Variants in ADGRB3 observed in about 807,000 individuals in gnomAD.
ADGRB3 encodes the protein adhesion G protein-coupled receptor B3.
A neutral mutation model predicts 193.4 loss-of-function variants in ADGRB3; 37 were observed. That is an observed-to-expected ratio of 0.19 (90% confidence interval 0.15 to 0.25). The LOEUF is 0.25. ADGRB3 is among the 10% of genes least tolerant of loss of function. ADGRB3 has a pLI of 1.00. For missense variants in ADGRB3, 1,637 were observed against 1,852.9 expected (o/e 0.88, Z 2.14); for synonymous variants, 690 against 644.2 (o/e 1.07, Z -1.08).
chr6:69,051,544 A>T (rs1370003402), intron 15 of ADGRB3, among the ~76,000 whole-genome samples: 1 of 152,184 alleles, frequency 6.6e-6, no homozygotes, highest in Non-Finnish European at 1.5e-5. Context: ...CTCAGGATGA[A>T]ATATTTGTTA....
intron 20 of ADGRB3, among the ~76,000 whole-genome samples, chr6:69,321,543 G>A (rs998146851): frequency 2.6e-5 from 4 of 151,660 alleles, no homozygotes; most frequent in Non-Finnish European, 4.4e-5. Flanking sequence ...TATGAACCTC[G>A]TCATGGAAAA....
At chr6:68,953,007 G>A (rs981257959) in intron 6 of ADGRB3, among the ~76,000 whole-genome samples, 2 of 152,042 alleles carry the variant, frequency 1.3e-5, no homozygotes, top group African/African-American at 4.8e-5. Context: ...TCTTATTTCA[G>A]TAAAAGCCTG....
chr6:69,307,273 G>T (rs531837285), intron 20 of ADGRB3, among the ~76,000 whole-genome samples: 1 of 151,518 alleles, frequency 6.6e-6, no homozygotes, highest in East Asian at 1.9e-4. Flanking sequence ...CATTGCAACC[G>T]ACTTAAAGAA....
intron 17 of ADGRB3, among the ~76,000 whole-genome samples, chr6:69,145,804 G>A (rs1025987038): frequency 6.6e-6 from 1 of 151,920 alleles, no homozygotes; most frequent in East Asian, 2.0e-4. Flanking sequence ...CCTGACATCT[G>A]CTTAGCTCTC....
At chr6:69,176,524 T>G (rs2150349718) in intron 17 of ADGRB3, among the ~76,000 whole-genome samples, 1 of 152,336 alleles carries the variant, frequency 6.6e-6, no homozygotes, top group African/African-American at 2.4e-5. Flanking sequence ...GATGTGCTTC[T>G]AATTCAGTTT....
In ADGRB3 at chr6:69,360,886, G is replaced by C. The variant is rs1769435868; in HGVS notation, c.3613G>C (p.Gly1205Arg). 1 of 1,606,906 alleles carries C rather than the reference G, an allele frequency of 6.2e-7. No homozygotes were observed. Among genetic ancestry groups the C allele is most frequent in the African/African-American group, 1.3e-5 (1 of 74,558 alleles). The stretch of plus-strand genomic sequence containing the variant: ...ACTCACAGTTCTTCATAAGGATATT[G>C]GTCCTTGCCGAGCAGCCACAATAAC... Reference protein sequence around the residue: ...ACRSVLHKDIGPCRAATITGT... With the variant: ...ACRSVLHKDIRPCRAATITGT... The change falls in exon 29 of 32, where the codon GGT becomes CGT. Residue 1205 changes from glycine to arginine, a missense_variant. Gly to Arg is a moderately radical substitution (Grantham distance 125). Coordinates refer to ENST00000370598, the MANE Select transcript of ADGRB3 (RefSeq NM_001704.3).
intron 17 of ADGRB3, among the ~76,000 whole-genome samples, chr6:69,137,351 G>T (rs778316496): frequency 2.6e-5 from 4 of 151,634 alleles, no homozygotes; most frequent in African/African-American, 7.3e-5. Flanking sequence ...GTAAACCTAT[G>T]AACTTAACAT....
chr6:68,915,460 T>C lies in ADGRB3; in HGVS notation c.758-15099T>C, dbSNP rs12526025. ...CAAGCCCAAAAGAAAGGGAAATGTA[T>C]AGGTGTTCATAAAATACAACAGGAA... is the stretch of plus-strand genomic sequence containing the variant. On this transcript the variant is annotated intron_variant, in intron 3 of 31. Transcript: ENST00000370598. 2.9e-3 allele frequency among the ~76,000 whole-genome samples: 439 copies of C among 152,272 alleles called. 4 individuals are homozygous for C. The highest frequency in any genetic ancestry group is 9.1e-3 in the African/African-American group (377 of 41,540).
chr6:68,638,685 G>A lies in ADGRB3; in HGVS notation c.10G>A (p.Val4Ile). 6.2e-7 allele frequency: 1 copy of A among 1,613,164 alleles called. No individual in the cohort carries two copies. The highest frequency in any genetic ancestry group is 1.3e-5 in the African/African-American group (1 of 74,982). The change falls in exon 3 of 32, where the codon GTT (valine) becomes ATT (isoleucine). Residue 4 changes from valine (V) to isoleucine (I), a missense_variant. Physicochemically the swap from Val to Ile is conservative, Grantham distance 29 (BLOSUM62 3). This residue lies in a region of ADGRB3 where 365 missense variants were observed against 409.8 expected (regional missense o/e 0.89). Transcript: ENST00000370598. MKAVRNLLIYIFST... is the reference protein window; with the variant it reads MKAIRNLLIYIFST... ...GGCCAAATGACATAGGATGAAGGCTGTTCGTAACCTGCTGATTTATATATT... is the reference window on the plus strand; with the variant it reads ...GGCCAAATGACATAGGATGAAGGCTATTCGTAACCTGCTGATTTATATATT...
chr6:68,724,882 A>G (rs1206728908), intron 3 of ADGRB3, among the ~76,000 whole-genome samples: 1 of 151,732 alleles, frequency 6.6e-6, no homozygotes, highest in Non-Finnish European at 1.5e-5. Flanking sequence ...ATATTGTTAC[A>G]AAGTTTATAA....
chr6:69,171,386 T>C (rs1031765417), intron 17 of ADGRB3, among the ~76,000 whole-genome samples: 1 of 152,218 alleles, frequency 6.6e-6, no homozygotes, highest in Non-Finnish European at 1.5e-5. Context: ...TTGAGAAACA[T>C]GTGCCACCAA....
At chr6:68,991,677 CG>C (rs1425128692) in intron 10 of ADGRB3, among the ~76,000 whole-genome samples, 4 of 151,774 alleles carry the variant, frequency 2.6e-5, no homozygotes, top group Non-Finnish European at 4.4e-5. Flanking sequence ...TGGCGGGGAA[CG>C]GGGAAGAACT....
chr6:69,333,158 A>G, intron 24 of ADGRB3, 150 bp downstream of exon 24: 1 of 893,214 alleles, frequency 1.1e-6, no homozygotes, highest in Non-Finnish European at 1.6e-6. Context: ...AAAAGTTTCC[A>G]ATGTGCTATT....
At chr6:68,753,157 A>C (rs906872751) in intron 3 of ADGRB3, among the ~76,000 whole-genome samples, 4 of 152,206 alleles carry the variant, frequency 2.6e-5, no homozygotes, top group Non-Finnish European at 5.9e-5. Flanking sequence ...TACACTATCC[A>C]TGATTTTCAG....
intron 17 of ADGRB3, among the ~76,000 whole-genome samples, chr6:69,128,599 C>T (rs1468991153): frequency 2.6e-5 from 4 of 152,086 alleles, no homozygotes; most frequent in Non-Finnish European, 5.9e-5. Flanking sequence ...CAAGAATCAT[C>T]GATCCAGGCT....
intron 3 of ADGRB3, among the ~76,000 whole-genome samples, chr6:68,750,492 G>A (rs1218974041): frequency 6.6e-6 from 1 of 152,172 alleles, no homozygotes; most frequent in African/African-American, 2.4e-5. Flanking sequence ...GTTATCAAAT[G>A]TAGTTCATCT....
intron 20 of ADGRB3, among the ~76,000 whole-genome samples, chr6:69,249,953 G>C (rs561009538): frequency 6.6e-6 from 1 of 152,292 alleles, no homozygotes; most frequent in Non-Finnish European, 1.5e-5. Flanking sequence ...ATCTTAGGCT[G>C]CTAGTGGATT....
intron 26 of ADGRB3, among the ~76,000 whole-genome samples, chr6:69,343,711 A>G (rs1375432980): frequency 2.0e-5 from 3 of 152,152 alleles, no homozygotes; most frequent in Non-Finnish European, 4.4e-5. Context: ...CTCTGGAGAA[A>G]AAAACAAAAG....
At chr6:68,918,675 A>T (rs1273338890) in intron 3 of ADGRB3, among the ~76,000 whole-genome samples, 1 of 152,064 alleles carries the variant, frequency 6.6e-6, no homozygotes, top group East Asian at 1.9e-4. Context: ...GGTTGCATAC[A>T]TTTCTGCCTG....
Sources: gnomAD v4.1 joint callset for allele counts (sites outside exome capture counted in the v4.1 genomes callset) on GRCh38, gnomAD v4.1.1 for gene constraint, gnomAD v4.1.1 regional missense constraint, MANE v1.5 for transcripts, NCBI Gene and HGNC (gene_info 2026-07-23, HGNC 2026-07-21) for gene names.